JARID2: variants seen among roughly 807,000 people sequenced by gnomAD.
JARID2 encodes the protein jumonji and AT-rich interaction domain containing 2.
JARID2 carries 21 observed loss-of-function variants against 125.6 expected under a neutral mutation model. That is an observed-to-expected ratio of 0.17 (90% confidence interval 0.12 to 0.24). The LOEUF is 0.24. Among genes scored for constraint, JARID2 ranks in the 10% least tolerant of loss-of-function variants. The pLI is 1.00. For missense variants in JARID2, 1,303 were observed against 1,639.6 expected, an observed-to-expected ratio of 0.79 and a Z score of 3.55; for synonymous variants, 736 against 661.6, an observed-to-expected ratio of 1.11 and a Z score of -1.73.
At chr6:15,431,242 T>G (rs1393072271) in intron 3 of JARID2, among the ~76,000 whole-genome samples, 1 of 152,198 alleles carries the variant, frequency 6.6e-6, no homozygotes, top group African/African-American at 2.4e-5. Context: ...ATCATCCCAT[T>G]CCCTAAATGA....
At chr6:15,494,445 C>T (rs1770309483) in intron 6 of JARID2, among the ~76,000 whole-genome samples, 1 of 82,424 alleles carries the variant, frequency 1.2e-5, no homozygotes, top group Non-Finnish European at 2.3e-5. Context: ...AGACAAGAGT[C>T]TCGCCCAGGC....
In JARID2 at chr6:15,346,759, A is replaced by G. The variant is rs187431678; in HGVS notation, c.46-27358A>G. Among the ~76,000 whole-genome samples the G allele has an allele frequency of 3.3e-3, 489 of 146,490 alleles. 1 individual carries two copies. The highest frequency in any genetic ancestry group is 0.012 in the African/African-American group (462 of 39,608). ...TTGTAATTTTTTTTTTTTTTTTGAG[A>G]CAGTCTTGCTTTGTCACCCAGTCTG... On this transcript the variant is annotated intron_variant, in intron 1 of 17. Coordinates refer to ENST00000341776, the MANE Select transcript of JARID2 (RefSeq NM_004973.4).
intron 1 of JARID2, among the ~76,000 whole-genome samples, chr6:15,320,117 G>C (rs952063495): frequency 6.6e-6 from 1 of 152,136 alleles, no homozygotes; most frequent in African/African-American, 2.4e-5. Flanking sequence ...ATTTACCATG[G>C]TGAGCCGATC....
Position 15,405,636 on chromosome 6 carries a change from ACCT to A in JARID2, c.182-4583_182-4581del, listed in dbSNP as rs533783557. Among the ~76,000 whole-genome samples the A allele has an allele frequency of 2.0e-3, 303 of 150,774 alleles. 1 individual carries two copies. The highest frequency in any genetic ancestry group is 3.9e-3 in the Non-Finnish European group (266 of 67,794). On this transcript the variant is annotated intron_variant, in intron 2 of 17. Coordinates refer to ENST00000341776, the MANE Select transcript of JARID2 (RefSeq NM_004973.4). ...CCATTCATTCAATTTCCTCTGTTTA[ACCT>A]CCTCTCCCCAACAAAGGTTTGTGTT...
intron 2 of JARID2, chr6:15,400,835 A>T: frequency 1.6e-6 from 2 of 1,274,294 alleles, no homozygotes; most frequent in Non-Finnish European, 2.0e-6. Flanking sequence ...CTTGCTTATT[A>T]CGTACAGGGG....
chr6:15,451,814 A>C (rs1767933305), intron 3 of JARID2, among the ~76,000 whole-genome samples, 192 bp from the exon 4 acceptor site: 1 of 152,154 alleles, frequency 6.6e-6, no homozygotes, highest in Non-Finnish European at 1.5e-5. Context: ...ATAGTCCTTT[A>C]ACCAAATTTA....
chr6:15,263,634 C>T (rs1759971546), intron 1 of JARID2, among the ~76,000 whole-genome samples: 2 of 149,504 alleles, frequency 1.3e-5, no homozygotes, highest in Admixed American at 6.7e-5. Flanking sequence ...ACTTTGTCGC[C>T]CAGGCTGGAG....
At chr6:15,431,178 C>T (rs1232878956) in intron 3 of JARID2, among the ~76,000 whole-genome samples, 1 of 152,146 alleles carries the variant, frequency 6.6e-6, no homozygotes, top group Non-Finnish European at 1.5e-5. Context: ...GCAATTCAGC[C>T]TAATTGAACT....
chr6:15,382,258 C>T (rs968844220), intron 2 of JARID2, among the ~76,000 whole-genome samples: 3 of 152,186 alleles, frequency 2.0e-5, no homozygotes, highest in African/African-American at 7.2e-5. Flanking sequence ...GTGAGACTTT[C>T]TCAAAAAACA....
intron 2 of JARID2, among the ~76,000 whole-genome samples, chr6:15,398,159 G>A (rs1222858103): frequency 1.3e-5 from 2 of 152,202 alleles, no homozygotes; most frequent in African/African-American, 4.8e-5. Context: ...TTAGCACATA[G>A]GCAAGGCTTT....
At chr6:15,403,380 T>C (rs1281534634) in intron 2 of JARID2, among the ~76,000 whole-genome samples, 1 of 152,138 alleles carries the variant, frequency 6.6e-6, no homozygotes, top group East Asian at 1.9e-4. Flanking sequence ...AGATCTTTTG[T>C]CTTTTGGTGG....
chr6:15,288,216 G>C (rs1761074400), intron 1 of JARID2, among the ~76,000 whole-genome samples: 1 of 151,940 alleles, frequency 6.6e-6, no homozygotes, highest in Non-Finnish European at 1.5e-5. Flanking sequence ...AAACATGGCT[G>C]CTTAGCTTCT....
At chr6:15,499,467 G>C (rs533267273) in intron 7 of JARID2, among the ~76,000 whole-genome samples, 15 of 152,200 alleles carry the variant, frequency 9.9e-5, no homozygotes, top group Admixed American at 5.9e-4. Flanking sequence ...TACTTAGAGT[G>C]AAATATGAAA....
At chr6:15,386,270 C>A (rs985791029) in intron 2 of JARID2, among the ~76,000 whole-genome samples, 4 of 149,728 alleles carry the variant, frequency 2.7e-5, no homozygotes, top group Non-Finnish European at 5.9e-5. Context: ...TCTTCTCCCC[C>A]TTCCTTTCCC....
intron 2 of JARID2, among the ~76,000 whole-genome samples, chr6:15,376,724 TA>T (rs1371847032): frequency 6.6e-6 from 1 of 152,092 alleles, no homozygotes; most frequent in South Asian, 2.1e-4. Flanking sequence ...ACTCTCTCTT[TA>T]AAAAATCATT....
chr6:15,414,808 TTTTTTG>T (rs1766059849), intron 3 of JARID2, among the ~76,000 whole-genome samples: 1 of 152,186 alleles, frequency 6.6e-6, no homozygotes. Flanking sequence ...TAACATATAT[TTTTTTG>T]TTTGTTTTTA....
rs1581314804 is a variant in JARID2 at position 15,246,239 on chromosome 6, T to G, written c.-301T>G. The G allele has an allele frequency of 2.2e-6, 1 of 462,448 alleles. No homozygotes were observed. The highest frequency in any genetic ancestry group is 4.3e-5 in the South Asian group (1 of 23,032). 28.6% of individuals were successfully genotyped at this position (462,448 alleles called of 1,614,324 possible). On this transcript the variant is annotated 5_prime_UTR_variant, in exon 1 of 18. Coordinates refer to ENST00000341776, the MANE Select transcript of JARID2 (RefSeq NM_004973.4). ...GAAAAAGGGGGGGGAGTGAAGGGCG[T>G]CGGTTTTTTTTTGTGTGTGTGTGTA... is the stretch of plus-strand genomic sequence containing the variant.
intron 1 of JARID2, among the ~76,000 whole-genome samples, chr6:15,296,867 T>G (rs1418321295): frequency 1.3e-5 from 2 of 152,232 alleles, no homozygotes; most frequent in Middle Eastern, 3.2e-3. Flanking sequence ...GTTTTGTTTC[T>G]TAAATTTCAT....
chr6:15,275,009 G>C (rs1417933380), intron 1 of JARID2, among the ~76,000 whole-genome samples: 2 of 152,178 alleles, frequency 1.3e-5, no homozygotes, highest in Non-Finnish European at 2.9e-5. Flanking sequence ...TGAACTTCAA[G>C]AGCCCTTCTG....
Sources: gnomAD v4.1 joint callset for allele counts (sites outside exome capture counted in the v4.1 genomes callset) on GRCh38, gnomAD v4.1.1 for gene constraint, MANE v1.5 for transcripts, NCBI Gene and HGNC (gene_info 2026-07-23, HGNC 2026-07-21) for gene names.